TAFA1: variants seen among roughly 807,000 people sequenced by gnomAD.
The protein encoded by TAFA1 is TAFA chemokine like family member 1.
TAFA1 carries 4 observed loss-of-function variants against 18.5 expected under a neutral mutation model. That is an observed-to-expected ratio of 0.22 (90% CI 0.11 to 0.49). The LOEUF (loss-of-function observed/expected upper bound fraction) is 0.49. Ranked by LOEUF, TAFA1 falls within the 20% of genes least tolerant of loss-of-function variation. TAFA1 has a pLI of 0.98. For missense variants in TAFA1, 147 were observed against 169.0 expected (o/e 0.87, Z 0.72); for synonymous variants, 56 against 55.2 (o/e 1.01, Z -0.06).
At chr3:68,081,160 C>T (rs1031657142) in intron 2 of TAFA1, among the ~76,000 whole-genome samples, 2 of 152,196 alleles carry the variant, frequency 1.3e-5, no homozygotes, top group African/African-American at 4.8e-5. Flanking sequence ...GTTTTCATCT[C>T]CATCAGCTCC....
At chr3:68,388,126 A>G (rs943476748) in intron 2 of TAFA1, among the ~76,000 whole-genome samples, 2 of 152,184 alleles carry the variant, frequency 1.3e-5, no homozygotes, top group Non-Finnish European at 2.9e-5. Flanking sequence ...GTTTTAACTA[A>G]CATTAGAAAA....
chr3:68,532,028 G>A (rs1179007777), intron 3 of TAFA1, among the ~76,000 whole-genome samples: 1 of 152,058 alleles, frequency 6.6e-6, no homozygotes, highest in South Asian at 2.1e-4. Context: ...TCTTATGCAG[G>A]GTTGAGGAGA....
chr3:68,182,225 A>G lies in TAFA1; in HGVS notation c.118+175481A>G, dbSNP rs145999656. On this transcript the variant is annotated intron_variant, in intron 2 of 4. Transcript: ENST00000478136. Reference sequence around the variant, plus strand: ...CCCTGTCTCAAACATAAATGAATTCATAAACAGACAGACAGACAAACTGTG... The same window carrying G: ...CCCTGTCTCAAACATAAATGAATTCGTAAACAGACAGACAGACAAACTGTG... 2.1e-3 allele frequency among the ~76,000 whole-genome samples: 321 copies of G among 152,306 alleles called. 1 individual carries two copies. The highest frequency in any genetic ancestry group is 3.6e-3 in the Non-Finnish European group (244 of 68,028).
At chr3:68,093,886 G>A (rs2065056688) in intron 2 of TAFA1, among the ~76,000 whole-genome samples, 2 of 151,982 alleles carry the variant, frequency 1.3e-5, no homozygotes, top group South Asian at 4.1e-4. Context: ...TCTACCCATG[G>A]CATATAGAAA....
At chr3:68,161,719 C>T (rs1181755702) in intron 2 of TAFA1, among the ~76,000 whole-genome samples, 2 of 152,126 alleles carry the variant, frequency 1.3e-5, no homozygotes, top group Non-Finnish European at 2.9e-5. Context: ...CAGACTCAAA[C>T]CCCATTTTGT....
chr3:68,203,506 G>A (rs375939531), intron 2 of TAFA1, among the ~76,000 whole-genome samples: 3 of 151,674 alleles, frequency 2.0e-5, no homozygotes, highest in African/African-American at 7.3e-5. Flanking sequence ...CTGGGTAAAA[G>A]GAACTGCTGT....
intron 2 of TAFA1, among the ~76,000 whole-genome samples, chr3:68,079,794 T>G (rs1280680695): frequency 6.6e-6 from 1 of 152,158 alleles, no homozygotes; most frequent in Non-Finnish European, 1.5e-5. Flanking sequence ...ATTCTGTTGA[T>G]TTGGGGTGGA....
At chr3:68,258,437 C>A (rs1355168615) in intron 2 of TAFA1, among the ~76,000 whole-genome samples, 1 of 152,152 alleles carries the variant, frequency 6.6e-6, no homozygotes, top group Non-Finnish European at 1.5e-5. Context: ...GAATTACTAA[C>A]TATGCTCCCT....
chr3:68,539,102 C>A (rs1176027456), intron 4 of TAFA1, among the ~76,000 whole-genome samples: 1 of 152,146 alleles, frequency 6.6e-6, no homozygotes, highest in African/African-American at 2.4e-5. Context: ...GTCACAGACT[C>A]ATAAATTAAG....
intron 2 of TAFA1, among the ~76,000 whole-genome samples, chr3:68,181,775 C>T (rs145579101): frequency 1.1e-4 from 16 of 152,102 alleles, no homozygotes; most frequent in Non-Finnish European, 1.2e-4. Context: ...CAGCACACAT[C>T]GAAAGGAAAA....
chr3:68,437,789 A>T (rs570424456), intron 3 of TAFA1, among the ~76,000 whole-genome samples: 8 of 152,230 alleles, frequency 5.3e-5, no homozygotes, highest in Non-Finnish European at 7.4e-5. Context: ...TTTTCAAACC[A>T]TAGCATTCTA....
At chr3:68,223,755 T>C (rs1194083592) in intron 2 of TAFA1, among the ~76,000 whole-genome samples, 2 of 152,138 alleles carry the variant, frequency 1.3e-5, no homozygotes, top group African/African-American at 4.8e-5. Flanking sequence ...TTCAGGGCCA[T>C]GATGAATGCT....
chr3:68,177,415 T>G (rs554632298), intron 2 of TAFA1, among the ~76,000 whole-genome samples: 1 of 152,190 alleles, frequency 6.6e-6, no homozygotes, highest in Non-Finnish European at 1.5e-5. Context: ...AGTCCTGGAA[T>G]TCTGTGCTTC....
At chr3:68,193,756 A>G (rs1260460549) in intron 2 of TAFA1, among the ~76,000 whole-genome samples, 2 of 151,766 alleles carry the variant, frequency 1.3e-5, no homozygotes, top group Non-Finnish European at 2.9e-5. Flanking sequence ...GCAAAAAAAA[A>G]ATGAACAGGT....
chr3:68,495,332 T>C (rs2072525958), intron 3 of TAFA1, among the ~76,000 whole-genome samples: 1 of 152,194 alleles, frequency 6.6e-6, no homozygotes, highest in Non-Finnish European at 1.5e-5. Flanking sequence ...GAAGGTTAGG[T>C]AAAAAGAGCA....
chr3:68,336,588 A>G (rs572690826), intron 2 of TAFA1, among the ~76,000 whole-genome samples: 34 of 152,342 alleles, frequency 2.2e-4, no homozygotes, highest in African/African-American at 7.5e-4. Flanking sequence ...TCTTCAAACT[A>G]TCTGCTTGAA....
chr3:68,171,341 A>G (rs2066050976), intron 2 of TAFA1, among the ~76,000 whole-genome samples: 1 of 152,210 alleles, frequency 6.6e-6, no homozygotes, highest in Admixed American at 6.5e-5. Flanking sequence ...AAGCCTCCAG[A>G]AAGAAATGCA....
At chr3:68,252,786 C>G (rs577230223) in intron 2 of TAFA1, among the ~76,000 whole-genome samples, 3 of 152,248 alleles carry the variant, frequency 2.0e-5, no homozygotes, top group Non-Finnish European at 2.9e-5. Context: ...GTGTCCCCAC[C>G]CAAATCTCAC....
At chr3:68,206,672 T>G (rs1458918606) in intron 2 of TAFA1, among the ~76,000 whole-genome samples, 1 of 151,940 alleles carries the variant, frequency 6.6e-6, no homozygotes, top group Non-Finnish European at 1.5e-5. Context: ...ATTGGTCATA[T>G]CTGGCAAAAT....
Sources: gnomAD v4.1 joint callset for allele counts (sites outside exome capture counted in the v4.1 genomes callset) on GRCh38, gnomAD v4.1.1 for gene constraint, MANE v1.5 for transcripts, NCBI Gene and HGNC (gene_info 2026-07-23, HGNC 2026-07-21) for gene names.